The following ARB2A variants were observed in gnomAD, a reference collection of about 807,000 sequenced individuals.
ARB2A encodes the protein cotranscriptional regulator ARB2A.
chr5:94,107,666 C>T, the ARB2A span, among the ~76,000 whole-genome samples: 3 of 151,924 alleles, frequency 2.0e-5, no homozygotes, highest in Non-Finnish European at 2.9e-5. Context: ...TTAAATTATA[C>T]ACTCAAATTA....
the ARB2A span, among the ~76,000 whole-genome samples, chr5:93,634,531 G>A: frequency 2.6e-5 from 4 of 152,224 alleles, no homozygotes; most frequent in South Asian, 2.1e-4. Context: ...AGTCCATAGC[G>A]ACTAATTGAT....
chr5:93,720,545 G>A, the ARB2A span, among the ~76,000 whole-genome samples: 1 of 152,126 alleles, frequency 6.6e-6, no homozygotes, highest in African/African-American at 2.4e-5. Flanking sequence ...ACCACCAACT[G>A]TGCCAAATAA....
At chr5:93,882,657 AAC>A in the ARB2A span, among the ~76,000 whole-genome samples, 176 of 151,558 alleles carry the variant, frequency 1.2e-3, 2 homozygotes, top group Non-Finnish European at 3.8e-4. Flanking sequence ...AAGCATGGGT[AAC>A]ACAAATTTTT....
At chr5:94,071,541 A>T in the ARB2A span, among the ~76,000 whole-genome samples, 1 of 152,136 alleles carries the variant, frequency 6.6e-6, no homozygotes, top group East Asian at 1.9e-4. Flanking sequence ...ATCAAAACTC[A>T]ATAGTTTTAA....
At chr5:93,959,989 T>G in the ARB2A span, among the ~76,000 whole-genome samples, 2 of 150,660 alleles carry the variant, frequency 1.3e-5, no homozygotes, top group African/African-American at 4.9e-5. Flanking sequence ...AGAAGGTCAA[T>G]CCACATATTG....
the ARB2A span, among the ~76,000 whole-genome samples, chr5:93,792,660 A>C: frequency 7.5e-6 from 1 of 133,798 alleles, no homozygotes; most frequent in East Asian, 2.3e-4. Flanking sequence ...ATGAGAAAAC[A>C]TGGACACAGG....
the ARB2A span, among the ~76,000 whole-genome samples, chr5:93,935,354 G>T: frequency 3.9e-5 from 6 of 152,308 alleles, no homozygotes; most frequent in East Asian, 3.9e-4. Context: ...CTAAGCATAT[G>T]AAGGGAATTT....
At chr5:94,034,577 C>T in the ARB2A span, among the ~76,000 whole-genome samples, 4 of 152,178 alleles carry the variant, frequency 2.6e-5, no homozygotes, top group African/African-American at 7.2e-5. Flanking sequence ...GAAACCATGA[C>T]TTTGCTTATT....
At chr5:94,018,513 G>A in the ARB2A span, among the ~76,000 whole-genome samples, 3 of 152,070 alleles carry the variant, frequency 2.0e-5, no homozygotes, top group Non-Finnish European at 2.9e-5. Context: ...AGCAAGCCAA[G>A]ACTGATTTAA....
chr5:93,865,794 A>G, the ARB2A span: 1 of 985,368 alleles, frequency 1.0e-6, no homozygotes. Flanking sequence ...AAGTAAATCA[A>G]CATTTATGGA....
At chr5:93,816,291 G>A in the ARB2A span, among the ~76,000 whole-genome samples, 1 of 152,002 alleles carries the variant, frequency 6.6e-6, no homozygotes, top group African/African-American at 2.4e-5. Context: ...ACTGAAATGT[G>A]TTTTTCTACA....
the ARB2A span, among the ~76,000 whole-genome samples, chr5:93,865,039 A>G: frequency 6.6e-6 from 1 of 152,322 alleles, no homozygotes; most frequent in East Asian, 1.9e-4. Flanking sequence ...CAGGATACAC[A>G]TCTTCAGTTT....
At chr5:93,806,382 T>C in the ARB2A span, among the ~76,000 whole-genome samples, 3 of 151,932 alleles carry the variant, frequency 2.0e-5, no homozygotes, top group Admixed American at 2.0e-4. Context: ...TTATATACTA[T>C]TAACAATTTT....
At chr5:94,026,139 T>G in the ARB2A span, among the ~76,000 whole-genome samples, 1 of 152,112 alleles carries the variant, frequency 6.6e-6, no homozygotes, top group Non-Finnish European at 1.5e-5. Context: ...TGTTACAGCA[T>G]GCTAATTAGC....
the ARB2A span, among the ~76,000 whole-genome samples, chr5:93,769,754 C>T: frequency 3.3e-5 from 5 of 152,250 alleles, no homozygotes; most frequent in African/African-American, 1.2e-4. Context: ...GCTATGTCTC[C>T]AGCTTCCAGA....
the ARB2A span, among the ~76,000 whole-genome samples, chr5:93,782,363 C>G: frequency 1.3e-5 from 2 of 152,066 alleles, no homozygotes; most frequent in African/African-American, 4.8e-5. Flanking sequence ...AATTATGAAA[C>G]AGACCCAAAA....
At chr5:94,068,039 T>C in the ARB2A span, among the ~76,000 whole-genome samples, 1 of 152,138 alleles carries the variant, frequency 6.6e-6, no homozygotes, top group Admixed American at 6.5e-5. Flanking sequence ...GGCCGAAGTG[T>C]GCGGATCACT....
At chr5:93,972,055 G>A in the ARB2A span, among the ~76,000 whole-genome samples, 4 of 152,206 alleles carry the variant, frequency 2.6e-5, no homozygotes, top group African/African-American at 9.6e-5. Flanking sequence ...TGTGAACTTG[G>A]CAAAGGCTTT....
At chr5:93,874,342 G>T in the ARB2A span, among the ~76,000 whole-genome samples, 1 of 152,138 alleles carries the variant, frequency 6.6e-6, no homozygotes, top group Non-Finnish European at 1.5e-5. Context: ...GGGGCCTTTA[G>T]ATAGCCTTAG....
Sources: allele counts gnomAD v4.1 joint callset (sites outside exome capture counted in the v4.1 genomes callset), GRCh38; gene constraint gnomAD v4.1.1; transcripts MANE v1.5; gene names NCBI Gene and HGNC (gene_info 2026-07-23, HGNC 2026-07-21).